Variants in PLPP4 observed in about 807,000 individuals in gnomAD.
The protein encoded by PLPP4 is phospholipid phosphatase 4, also known as diacylglycerol pyrophosphate like 2.
PLPP4 carries 20 observed loss-of-function variants against 32.2 expected under a neutral mutation model. That is an observed-to-expected ratio of 0.62 (90% confidence interval 0.44 to 0.90). The LOEUF (loss-of-function observed/expected upper bound fraction) is 0.90. Ranked by LOEUF, PLPP4 falls within the 40% of genes least tolerant of loss-of-function variation. The pLI is 0.00. For missense variants in PLPP4, 257 were observed against 353.1 expected (o/e 0.73, Z 2.18); for synonymous variants, 127 against 133.0 (o/e 0.95, Z 0.31).
intron 1 of PLPP4, among the ~76,000 whole-genome samples, chr10:120,473,793 G>C (rs574911092): frequency 2.3e-4 from 35 of 152,206 alleles, no homozygotes; most frequent in Admixed American, 1.7e-3. Context: ...CCTGCTGCCA[G>C]GTGACGATGT....
At chr10:120,550,766 C>A (rs1250754645) in intron 5 of PLPP4, among the ~76,000 whole-genome samples, 1 of 151,800 alleles carries the variant, frequency 6.6e-6, no homozygotes. Context: ...AAATTAATCA[C>A]ATACTAAAAA....
At chr10:120,528,068 C>CTT (rs1564817488) in intron 5 of PLPP4, among the ~76,000 whole-genome samples, 7 of 120,270 alleles carry the variant, frequency 5.8e-5, no homozygotes, top group African/African-American at 2.0e-4. Flanking sequence ...TACCACTCTC[C>CTT]GTTTTTTTTT....
rs959501274 is a variant in PLPP4 at position 120,580,781 on chromosome 10, C to T, written c.616+5480C>T. 9 of 783,784 alleles carry T rather than the reference C, an allele frequency of 1.1e-5. No homozygotes were observed. The Admixed American group carries it at 1.6e-4, about 14-fold the overall frequency. The allele number at this position is 783,784 out of a possible 1,614,324, so 48.6% of individuals were successfully genotyped here. A position where few individuals can be genotyped will look rare whatever the true frequency, so the allele number is the denominator to read the frequency against. The stretch of plus-strand genomic sequence containing the variant: ...GTGACTTGAAAAAGATCCCTTGGAA[C>T]AATATGATTGTTTCTGCCAAAAACC... On this transcript the variant is annotated intron_variant, in intron 6 of 6. Transcript: ENST00000398250.
At chr10:120,518,031 A>G (rs1392219608) in intron 3 of PLPP4, among the ~76,000 whole-genome samples, 2 of 152,170 alleles carry the variant, frequency 1.3e-5, no homozygotes, top group Admixed American at 6.5e-5. Context: ...CTTCTATCAC[A>G]TTGATGGTGA....
Position 120,565,109 on chromosome 10 carries a change from G to A in PLPP4, c.446-10022G>A, listed in dbSNP as rs965384553. Among the ~76,000 whole-genome samples the A allele has an allele frequency of 6.6e-5, 10 of 152,162 alleles. No individual in the cohort carries two copies. The East Asian group carries it at 1.3e-3, about 21-fold the overall frequency. ...AACATTAAATGCTTTAACTCTGATCGATAATATGTTCTAACCTATTTGACA... is the reference window on the plus strand; with the variant it reads ...AACATTAAATGCTTTAACTCTGATCAATAATATGTTCTAACCTATTTGACA... On this transcript the variant is annotated intron_variant, in intron 5 of 6. Coordinates refer to ENST00000398250, the MANE Select transcript of PLPP4 (RefSeq NM_001030059.3).
upstream of PLPP4, chr10:120,457,194 G>C: frequency 1.3e-6 from 1 of 744,266 alleles, no homozygotes; most frequent in Non-Finnish European, 1.8e-6. Flanking sequence ...CCCCGCCCGC[G>C]GCCTGGAGCG....
chr10:120,575,692 C>T (rs1217269303), intron 6 of PLPP4, among the ~76,000 whole-genome samples: 1 of 152,104 alleles, frequency 6.6e-6, no homozygotes, highest in Non-Finnish European at 1.5e-5. Context: ...CCTACAAGGA[C>T]GTATTTGTCA....
intron 1 of PLPP4, among the ~76,000 whole-genome samples, chr10:120,470,168 C>T (rs1377185083): frequency 6.6e-6 from 1 of 152,212 alleles, no homozygotes; most frequent in Admixed American, 6.5e-5. Context: ...TGGAATGTAA[C>T]ATTTGCTTCA....
intron 1 of PLPP4, among the ~76,000 whole-genome samples, chr10:120,478,667 A>G (rs1009344995): frequency 6.6e-6 from 1 of 152,220 alleles, no homozygotes; most frequent in Non-Finnish European, 1.5e-5. Flanking sequence ...TCTCATCTGG[A>G]ATAACATTTT....
intron 5 of PLPP4, among the ~76,000 whole-genome samples, chr10:120,523,881 TCAAG>T (rs1432312821): frequency 1.3e-5 from 2 of 152,172 alleles, no homozygotes; most frequent in Non-Finnish European, 2.9e-5. Flanking sequence ...TGTGAATATC[TCAAG>T]CTGTCAGACT....
intron 6 of PLPP4, among the ~76,000 whole-genome samples, chr10:120,586,703 T>TTGGC (rs1208537012): frequency 6.6e-6 from 1 of 152,210 alleles, no homozygotes; most frequent in Non-Finnish European, 1.5e-5. Flanking sequence ...GAGCAAGATG[T>TTGGC]TGGCCAAGGT....
intron 2 of PLPP4, among the ~76,000 whole-genome samples, chr10:120,512,743 G>A (rs751596360): frequency 1.4e-4 from 22 of 152,286 alleles, no homozygotes; most frequent in Admixed American, 8.5e-4. Flanking sequence ...AACCCGGGAG[G>A]TGGAGGTTGC....
At chr10:120,585,668 T>C (rs12776696) in intron 6 of PLPP4, among the ~76,000 whole-genome samples, 48,221 of 152,064 alleles carry the variant, frequency 0.32, 7,715 homozygotes, top group African/African-American at 0.33. Context: ...CAAAGCAACT[T>C]GCCCTGGTAG....
chr10:120,493,332 G>A (rs769252390), intron 1 of PLPP4, among the ~76,000 whole-genome samples: 4 of 152,148 alleles, frequency 2.6e-5, no homozygotes, highest in Non-Finnish European at 4.4e-5. Flanking sequence ...GATGAGATCC[G>A]GAGTATGCAT....
chr10:120,511,756 T>C (rs963689701), intron 2 of PLPP4, among the ~76,000 whole-genome samples: 4 of 152,218 alleles, frequency 2.6e-5, no homozygotes, highest in Non-Finnish European at 5.9e-5. Context: ...TAAGGCATAA[T>C]TCTCAATCAT....
intron 5 of PLPP4, among the ~76,000 whole-genome samples, chr10:120,561,807 G>T (rs1848449094): frequency 6.6e-6 from 1 of 152,208 alleles, no homozygotes; most frequent in Admixed American, 6.5e-5. Context: ...AGTGACACAT[G>T]CCAGTTATAT....
chr10:120,494,290 C>G (rs907295207), intron 1 of PLPP4, among the ~76,000 whole-genome samples: 1 of 152,162 alleles, frequency 6.6e-6, no homozygotes, highest in African/African-American at 2.4e-5. Flanking sequence ...ATCCTTACAC[C>G]AACCCTCTGA....
At chr10:120,478,712 A>G (rs1365986846) in intron 1 of PLPP4, among the ~76,000 whole-genome samples, 3 of 152,218 alleles carry the variant, frequency 2.0e-5, no homozygotes, top group Non-Finnish European at 4.4e-5. Flanking sequence ...TTATGCCTTC[A>G]GCATTTTCCT....
intron 1 of PLPP4, among the ~76,000 whole-genome samples, chr10:120,467,203 C>T (rs1348899824): frequency 1.5e-5 from 1 of 65,828 alleles, no homozygotes; most frequent in Non-Finnish European, 4.5e-5. Flanking sequence ...CTCAGCCTCC[C>T]GAGTACCTGG....
Sources: gnomAD v4.1 joint callset for allele counts (sites outside exome capture counted in the v4.1 genomes callset) on GRCh38, gnomAD v4.1.1 for gene constraint, MANE v1.5 for transcripts, NCBI Gene and HGNC (gene_info 2026-07-23, HGNC 2026-07-21) for gene names.